Variants in CATIP observed in about 807,000 individuals in gnomAD.
CATIP encodes the protein ciliogenesis-associated TTC17-interacting protein.
Under a neutral mutation model 42.5 loss-of-function variants are expected in CATIP, and 40 were observed. The ratio of observed to expected loss-of-function variants is 0.94; its 90% CI spans 0.73 to 1.22. The LOEUF (loss-of-function observed/expected upper bound fraction) is 1.22, where lower values mean the gene tolerates loss of function less well. CATIP is among the 50% of genes most tolerant of loss of function. The pLI, the probability that CATIP is intolerant of heterozygous loss-of-function variation, is 0.00. For missense variants in CATIP, 489 were observed against 496.0 expected (o/e 0.99, Z 0.13); for synonymous variants, 222 against 200.2 (o/e 1.11, Z -0.92).
chr2:218,356,980 C>A (rs1695036045), intron 1 of CATIP, 71 bp downstream of exon 1: 7 of 1,597,668 alleles, frequency 4.4e-6, no homozygotes, highest in Non-Finnish European at 8.6e-7. Context: ...TCGGGGTAGT[C>A]TTAGAGGATT....
At chr2:218,367,299 C>T in intron 8 of CATIP, 131 bp from the exon 9 acceptor site, 1 of 905,642 alleles carries the variant, frequency 1.1e-6, no homozygotes. Flanking sequence ...TCCCTTCCTG[C>T]AACTCTGCCC....
At chr2:218,367,617 C>G (rs935614089) in intron 9 of CATIP, 99 bp downstream of exon 9, 2 of 1,598,936 alleles carry the variant, frequency 1.3e-6, no homozygotes, top group Non-Finnish European at 8.5e-7. Context: ...CCCGTAGGGG[C>G]TAGAAGGCTC....
At chr2:218,367,237 C>T (rs900302465) in intron 8 of CATIP, 137 bp downstream of exon 8, 2 of 761,866 alleles carry the variant, frequency 2.6e-6, no homozygotes, top group Admixed American at 2.6e-5. Flanking sequence ...AGAACATCTG[C>T]CCTCCAGCCC....
In CATIP at chr2:218,357,165, C is replaced by T. The variant is rs1695045263; in HGVS notation, c.96C>T (p.Ala32=). Residue 32 remains alanine (A), a synonymous_variant, in exon 2 of 10, where the codon GCC becomes GCT. Transcript: ENST00000289388. ...CACTCCCAGAGGCCAATGCTGAAGC[C>T]ATCGACTTCCTCAGCTCCCTCCGTG... is the stretch of plus-strand genomic sequence containing the variant. ...CLPLPEANAE[A]IDFLSSLHKE... 2.5e-6 allele frequency: 4 copies of T among 1,613,658 alleles called. No homozygotes were observed. Among genetic ancestry groups the T allele is most frequent in the East Asian group, 2.2e-5 (1 of 44,882 alleles).
In CATIP at chr2:218,368,008, T is replaced by C. The variant is rs1474971484; in HGVS notation, c.*44T>C. On this transcript the variant is annotated 3_prime_UTR_variant, in exon 10 of 10. Coordinates refer to ENST00000289388, the MANE Select transcript of CATIP (RefSeq NM_198559.2). ...CAGGGCAGGAAACCAGGGGTCGGGCTGGGACGCGGGCGGGACGCGCCGGGG... is the reference window on the plus strand; with the variant it reads ...CAGGGCAGGAAACCAGGGGTCGGGCCGGGACGCGGGCGGGACGCGCCGGGG... The C allele has an allele frequency of 6.8e-7, 1 of 1,470,092 alleles. No homozygotes were observed. Among genetic ancestry groups the C allele is most frequent in the Non-Finnish European group, 8.9e-7 (1 of 1,117,380 alleles). 91.1% of individuals were successfully genotyped at this position (1,470,092 alleles called of 1,614,324 possible).
chr2:218,367,051 C>A lies in CATIP; in HGVS notation c.783C>A (p.Gly261=), dbSNP rs1559107294. ...ACCTGGCCAAGAGAATACAGGTGGGCTCCCCAGGGTGCTGCATCATCACCA... is the reference window on the plus strand; with the variant it reads ...ACCTGGCCAAGAGAATACAGGTGGGATCCCCAGGGTGCTGCATCATCACCA... The part of the protein sequence containing the change: ...DGHLAKRIQV[G]SPGCCIITKM... Residue 261 remains glycine (G), a synonymous_variant, in exon 8 of 10, where the codon GGC becomes GGA. Coordinates refer to ENST00000289388, the MANE Select transcript of CATIP (RefSeq NM_198559.2). 1 of 1,613,920 alleles carries A rather than the reference C, an allele frequency of 6.2e-7. No homozygotes were observed. The highest frequency in any genetic ancestry group is 1.7e-5 in the Admixed American group (1 of 60,012).
Position 218,357,743 on chromosome 2 carries a change from C to T in CATIP, c.319+9C>T. ...CGGAAATTCCCTCCTGGGTAGCGTTCCTACTGCCTGATGCCCGTCACTCTC... is the reference window on the plus strand; with the variant it reads ...CGGAAATTCCCTCCTGGGTAGCGTTTCTACTGCCTGATGCCCGTCACTCTC... On this transcript the variant is annotated intron_variant, in intron 3 of 9. Transcript: ENST00000289388. The T allele has an allele frequency of 6.2e-7, 1 of 1,610,762 alleles. No homozygotes were observed. Among genetic ancestry groups the T allele is most frequent in the East Asian group, 2.2e-5 (1 of 44,866 alleles).
intron 4 of CATIP, 86 bp from the exon 5 acceptor site, chr2:218,360,487 A>C: frequency 1.0e-6 from 1 of 1,004,852 alleles, no homozygotes. Context: ...TTTAAACCTC[A>C]GTTTTCTCAT....
At chr2:218,361,266 C>T (rs1018840708) in intron 5 of CATIP, among the ~76,000 whole-genome samples, 3 of 151,300 alleles carry the variant, frequency 2.0e-5, no homozygotes, top group East Asian at 2.0e-4. Flanking sequence ...CCCAGCTACT[C>T]GGGAGGGTGA....
rs544373737 is a variant in CATIP at position 218,367,492 on chromosome 2, C to T, written c.895C>T (p.Leu299Phe). ...CCTGGTATGGGAGGAGGATATGGAG[C>T]TCTATTCGAAGTTCCTGGACCGGAA... ...KPLVWEEDME[L>F]YSKFLDRKEE... The change falls in exon 9 of 10, where the codon CTC (leucine) becomes TTC (phenylalanine). Residue 299 changes from leucine (L) to phenylalanine (F), a missense_variant. Leu to Phe is a conservative substitution (Grantham distance 22). Transcript: ENST00000289388. 2 of 1,614,186 alleles carry T rather than the reference C, an allele frequency of 1.2e-6. No homozygotes were observed. Among genetic ancestry groups the T allele is most frequent in the Admixed American group, 1.7e-5 (1 of 60,022 alleles).
intron 5 of CATIP, among the ~76,000 whole-genome samples, chr2:218,362,020 A>G (rs1373280897): frequency 3.4e-5 from 1 of 29,656 alleles, no homozygotes; most frequent in Non-Finnish European, 5.5e-5. Flanking sequence ...CAGAAAAAGG[A>G]AAAAAAAAAA....
intron 8 of CATIP, 54 bp downstream of exon 8, chr2:218,367,154 ACCTGGG>A: frequency 1.4e-6 from 2 of 1,397,660 alleles, no homozygotes; most frequent in Non-Finnish European, 2.0e-6. Context: ...GAGTGGGGAA[ACCTGGG>A]CCTTCCAGGA....
chr2:218,357,072 C>G (rs375863367), intron 1 of CATIP, 23 bp from the exon 2 acceptor site: 11 of 1,603,572 alleles, frequency 6.9e-6, no homozygotes, highest in Non-Finnish European at 9.4e-6. Flanking sequence ...GGTCTGCCAT[C>G]TTAGCCTCTC....
intron 4 of CATIP, 141 bp from the exon 5 acceptor site, chr2:218,360,432 G>A (rs1695193202): frequency 1.6e-6 from 1 of 638,004 alleles, no homozygotes; most frequent in South Asian, 1.9e-5. Context: ...TTACAGGCGT[G>A]AGCCACTGTG....
chr2:218,357,856 C>T lies in CATIP; in HGVS notation c.319+122C>T, dbSNP rs142868592. Reference sequence around the variant, plus strand: ...CTTTGCCTTGGACCAGGACAAGGCACGGGGTGGGAGAGGGATGAGCGAGTT... The same window carrying T: ...CTTTGCCTTGGACCAGGACAAGGCATGGGGTGGGAGAGGGATGAGCGAGTT... On this transcript the variant is annotated intron_variant, in intron 3 of 9. Coordinates refer to ENST00000289388, the MANE Select transcript of CATIP (RefSeq NM_198559.2). 869 of 1,168,290 alleles carry T rather than the reference C, an allele frequency of 7.4e-4. 6 individuals carry two copies. In the African/African-American group the frequency reaches 0.011, roughly 14 times the overall value. 72.4% of individuals were successfully genotyped at this position (1,168,290 alleles called of 1,614,324 possible).
chr2:218,364,508 G>A (rs1430410780), intron 6 of CATIP, 120 bp from the exon 7 acceptor site: 1 of 1,405,482 alleles, frequency 7.1e-7, no homozygotes, highest in Non-Finnish European at 9.7e-7. Flanking sequence ...GAGGTTTGGA[G>A]ATGCAATATT....
intron 4 of CATIP, among the ~76,000 whole-genome samples, chr2:218,358,738 G>T (rs934142162): frequency 1.3e-5 from 2 of 151,986 alleles, no homozygotes; most frequent in Non-Finnish European, 2.9e-5. Flanking sequence ...ACAAAAAGTA[G>T]CTGGGTGTGG....
intron 7 of CATIP, among the ~76,000 whole-genome samples, chr2:218,365,258 CA>C (rs1292125937): frequency 6.6e-6 from 1 of 151,950 alleles, no homozygotes; most frequent in Non-Finnish European, 1.5e-5. Context: ...ACTAAAAATA[CA>C]AAAAATTAGC....
rs1195610065 is a variant in CATIP at position 218,367,996 on chromosome 2, C to T, written c.*32C>T. 6.6e-7 allele frequency: 1 copy of T among 1,504,208 alleles called. No individual in the cohort carries two copies. Among genetic ancestry groups the T allele is most frequent in the South Asian group, 1.2e-5 (1 of 80,942 alleles). The allele number at this position is 1,504,208 out of a possible 1,614,324, so 93.2% of individuals were successfully genotyped here. ...CCCAGGCCCGGACAGGGCAGGAAAC[C>T]AGGGGTCGGGCTGGGACGCGGGCGG... On this transcript the variant is annotated 3_prime_UTR_variant, in exon 10 of 10. Transcript: ENST00000289388.
Sources: allele counts gnomAD v4.1 joint callset (sites outside exome capture counted in the v4.1 genomes callset), GRCh38; gene constraint gnomAD v4.1.1; transcripts MANE v1.5; gene names NCBI Gene and HGNC (gene_info 2026-07-23, HGNC 2026-07-21).